Variants in PRKCD observed in about 807,000 individuals in gnomAD.
PRKCD encodes the protein protein kinase C delta.
A neutral mutation model predicts 82.2 loss-of-function variants in PRKCD; 20 were observed. The ratio of observed to expected loss-of-function variants is 0.24; its 90% CI spans 0.17 to 0.35. PRKCD has a LOEUF of 0.35. PRKCD is among the 10% of genes least tolerant of loss of function. PRKCD has a pLI of 1.00. For missense variants in PRKCD, 607 were observed against 899.0 expected (o/e 0.68, Z 4.15); for synonymous variants, 317 against 337.0 (o/e 0.94, Z 0.65).
At chr3:53,180,098 C>G (rs1379222024) in intron 4 of PRKCD, among the ~76,000 whole-genome samples, 1 of 152,224 alleles carries the variant, frequency 6.6e-6, no homozygotes, top group Non-Finnish European at 1.5e-5. Flanking sequence ...TATTGCAGAA[C>G]CTGACACATA....
chr3:53,188,327 A>G (rs1404152184), intron 15 of PRKCD, among the ~76,000 whole-genome samples: 4 of 151,554 alleles, frequency 2.6e-5, no homozygotes, highest in Non-Finnish European at 5.9e-5. Flanking sequence ...TGCCATTTCT[A>G]GTTCCCATAT....
intron 1 of PRKCD, among the ~76,000 whole-genome samples, chr3:53,161,970 G>A (rs1251165307): frequency 6.7e-6 from 1 of 150,144 alleles, no homozygotes; most frequent in Non-Finnish European, 1.5e-5. Flanking sequence ...CCGCTCTACC[G>A]CGGGGCCCAG....
chr3:53,162,826 T>C (rs543773163), intron 1 of PRKCD, among the ~76,000 whole-genome samples: 11 of 152,062 alleles, frequency 7.2e-5, no homozygotes, highest in African/African-American at 2.4e-4. Context: ...GATCTGTTAA[T>C]TGTGGAAGCC....
chr3:53,178,381 G>A (rs781886373), intron 2 of PRKCD, 23 bp from the exon 3 acceptor site: 2 of 1,562,374 alleles, frequency 1.3e-6, no homozygotes, highest in South Asian at 1.1e-5. Context: ...CGGCCGCCTG[G>A]CCTCACCCCT....
rs764932097 is a variant in PRKCD at position 53,169,258 on chromosome 3, G to C, written c.-20+4043G>C. The stretch of plus-strand genomic sequence containing the variant: ...GAGTCATTCATGTGGTGAAGCCAGG[G>C]AGGCAGGTGGGGCCACAAGCCTGAA... On this transcript the variant is annotated intron_variant, in intron 2 of 18. Transcript: ENST00000330452. The surrounding 1 kb of genome is among the most constrained non-coding windows in gnomAD (Gnocchi z 4.7). Among the ~76,000 whole-genome samples, 3 of 152,134 alleles carry C rather than the reference G, an allele frequency of 2.0e-5. No homozygotes were observed. The highest frequency in any genetic ancestry group is 4.4e-5 in the Non-Finnish European group (3 of 68,008).
At chr3:53,171,127 A>G (rs1486395939) in intron 2 of PRKCD, among the ~76,000 whole-genome samples, 1 of 151,836 alleles carries the variant, frequency 6.6e-6, no homozygotes. Context: ...TGCATCCCCC[A>G]CCCTGGCTCC....
chr3:53,183,174 A>G lies in PRKCD; in HGVS notation c.625A>G (p.Thr209Ala), dbSNP rs782179344. ...KCIDKIIGRC[T>A]GTAANSRDTI... The stretch of plus-strand genomic sequence containing the variant: ...CATCGACAAGATCATCGGCAGATGC[A>G]CTGGCACCGCGGCCAACAGCCGGGA... The change falls in exon 8 of 19, where the codon ACT becomes GCT. Residue 209 changes from threonine to alanine, a missense_variant. Coordinates refer to ENST00000330452, the MANE Select transcript of PRKCD (RefSeq NM_006254.4). 5.0e-6 allele frequency: 8 copies of G among 1,614,198 alleles called. No individual in the cohort carries two copies. Among genetic ancestry groups the G allele is most frequent in the Non-Finnish European group, 6.8e-6 (8 of 1,180,018 alleles).
Position 53,185,623 on chromosome 3 carries a change from A to T in PRKCD, c.908A>T (p.Asp303Val). The change falls in exon 11 of 19, where the codon GAC becomes GTC. Residue 303 changes from aspartate to valine, a missense_variant. Transcript: ENST00000330452. ...QVTQRASRRS[D>V]SASSEPVGIY... ...CCCCAGAGAGCCTCCCGGAGATCAG[A>T]CTCAGCCTCCTCAGAGCCTGTTGGG... 6.2e-7 allele frequency: 1 copy of T among 1,613,442 alleles called. No individual in the cohort carries two copies. Among genetic ancestry groups the T allele is most frequent in the Non-Finnish European group, 8.5e-7 (1 of 1,179,990 alleles).
chr3:53,172,570 C>T (rs3796256), intron 2 of PRKCD, among the ~76,000 whole-genome samples: 84,951 of 152,144 alleles, frequency 0.56, 25,850 homozygotes, highest in East Asian at 0.75. Flanking sequence ...CTTTGTGCCA[C>T]CTGCCATGCA....
intron 9 of PRKCD, 48 bp from the exon 10 acceptor site, chr3:53,184,826 C>T (rs1575540011): frequency 6.4e-7 from 1 of 1,555,490 alleles, no homozygotes; most frequent in Non-Finnish European, 8.9e-7. Flanking sequence ...TGCCCCCTGC[C>T]CTTGGCTGAG....
At chr3:53,178,334 C>G in intron 2 of PRKCD, 70 bp from the exon 3 acceptor site, 1 of 998,454 alleles carries the variant, frequency 1.0e-6, no homozygotes, top group African/African-American at 1.6e-5. Flanking sequence ...GAGCGGGTCC[C>G]TGAGTGCTGC....
rs180706867 is a variant in PRKCD, at chr3:53,186,346, C to T, written c.1260+6C>T. The T allele has an allele frequency of 1.4e-3, 2,272 of 1,613,848 alleles. 17 individuals carry two copies. Among genetic ancestry groups the T allele is most frequent in the East Asian group, 1.8e-3 (80 of 44,882 alleles). ...TCTGCACCTTCCAGACCAAGGTGCCCGGGCCTCCTGCCGTCACCACCCCAT... is the reference window on the plus strand; with the variant it reads ...TCTGCACCTTCCAGACCAAGGTGCCTGGGCCTCCTGCCGTCACCACCCCAT... On this transcript the variant is annotated splice_donor_region_variant and intron_variant, in intron 13 of 18. Transcript: ENST00000330452.
At chr3:53,163,043 G>A (rs1474185668) in intron 1 of PRKCD, among the ~76,000 whole-genome samples, 2 of 151,428 alleles carry the variant, frequency 1.3e-5, no homozygotes, top group Non-Finnish European at 2.9e-5. Context: ...GGCCAGCAGA[G>A]GGAGGCTGTA....
chr3:53,189,774 G>C, intron 17 of PRKCD, 99 bp from the exon 18 acceptor site: 1 of 1,551,606 alleles, frequency 6.4e-7, no homozygotes, highest in Non-Finnish European at 8.8e-7. Flanking sequence ...TGGGGCTGGG[G>C]CAAGCCTGGC....
At chr3:53,182,818 C>T (rs1444673287) in intron 7 of PRKCD, among the ~76,000 whole-genome samples, 1 of 152,218 alleles carries the variant, frequency 6.6e-6, no homozygotes, top group African/African-American at 2.4e-5. Context: ...GAACTGCCCC[C>T]GCTTCTCATA....
rs913810086 is a variant in PRKCD, at chr3:53,169,489, G to A, written c.-20+4274G>A. Among the ~76,000 whole-genome samples, 16 of 152,192 alleles carry A rather than the reference G, an allele frequency of 1.1e-4. No homozygotes were observed. The highest frequency in any genetic ancestry group is 3.4e-4 in the African/African-American group (14 of 41,454). ...GAGCCGCTGTTTTCACAACAGCTCC[G>A]GAAGCTTTGGATCATGTCTATGGCC... On this transcript the variant is annotated intron_variant, in intron 2 of 18. Transcript: ENST00000330452. This position sits in a 1 kb window ranked among gnomAD's most constrained non-coding sequence, Gnocchi z 4.7.
chr3:53,181,272 G>T lies in PRKCD; in HGVS notation c.376+5G>T. The T allele has an allele frequency of 6.2e-7, 1 of 1,613,702 alleles. No homozygotes were observed. Among genetic ancestry groups the T allele is most frequent in the Non-Finnish European group, 8.5e-7 (1 of 1,179,784 alleles). On this transcript the variant is annotated splice_donor_5th_base_variant and intron_variant, in intron 5 of 18. Transcript: ENST00000330452. ...AGTATTTCCTGGAGGACGTGGGTAA[G>T]AACTCCCTGGGGGTGGAGGGCTCCC... is the stretch of plus-strand genomic sequence containing the variant.
chr3:53,179,838 G>A (rs563501285), intron 4 of PRKCD, 62 bp downstream of exon 4: 537 of 1,532,180 alleles, frequency 3.5e-4, no homozygotes, highest in Non-Finnish European at 4.2e-4. Context: ...GTGTGCATGC[G>A]TGCATGTGTG....
intron 2 of PRKCD, among the ~76,000 whole-genome samples, chr3:53,167,080 G>T (rs1327366046): frequency 6.6e-6 from 1 of 152,228 alleles, no homozygotes; most frequent in Non-Finnish European, 1.5e-5. Flanking sequence ...GGGGCTGTCT[G>T]TTCACTTCCC....
Sources: gnomAD v4.1 joint callset for allele counts (sites outside exome capture counted in the v4.1 genomes callset) on GRCh38, gnomAD v4.1.1 for gene constraint, Gnocchi (gnomAD v3.1) non-coding constraint, MANE v1.5 for transcripts, NCBI Gene and HGNC (gene_info 2026-07-23, HGNC 2026-07-21) for gene names.